Variants in DLC1 observed in about 807,000 individuals in gnomAD.
DLC1 encodes the protein DLC1 Rho GTPase activating protein, also known as rho GTPase-activating protein 7.
Under a neutral mutation model 140.3 loss-of-function variants are expected in DLC1, and 54 were observed. That is an observed-to-expected ratio of 0.38 (90% CI 0.31 to 0.48). The LOEUF (loss-of-function observed/expected upper bound fraction) is 0.48. DLC1 is among the 20% of genes least tolerant of loss of function. DLC1 has a pLI of 0.96. For synonymous variants in DLC1, 986 were observed against 728.1 expected, an observed-to-expected ratio of 1.35 and a Z score of -5.70; for missense variants, 2,536 against 1,907.0, an observed-to-expected ratio of 1.33 and a Z score of -6.14.
chr8:13,133,009 T>A lies in DLC1; in HGVS notation c.1349-17352A>T, dbSNP rs13275331. On this transcript the variant is annotated intron_variant, in intron 5 of 17. Coordinates refer to ENST00000276297, the MANE Select transcript of DLC1 (RefSeq NM_182643.3). ...GCACGGCAGGCGGCGGCGGAAGCGC[T>A]GTGGGGAAGTCGAGGCAGGCGGAGG... 0.31 allele frequency: 494,055 copies of A among 1,603,024 alleles called. 78,852 individuals are homozygous for A. Among genetic ancestry groups the A allele is most frequent in the Admixed American group, 0.54 (31,050 of 57,812 alleles).
chr8:13,479,563 T>C (rs1270649917), intron 2 of DLC1, among the ~76,000 whole-genome samples: 1 of 152,082 alleles, frequency 6.6e-6, no homozygotes, highest in African/African-American at 2.4e-5. Flanking sequence ...AACATTAGGT[T>C]GCATCCAAAA....
At chr8:13,410,918 G>C (rs1243063996) in intron 2 of DLC1, among the ~76,000 whole-genome samples, 1 of 152,104 alleles carries the variant, frequency 6.6e-6, no homozygotes, top group African/African-American at 2.4e-5. Flanking sequence ...TATTCTGTTT[G>C]AATTAATTTA....
At chr8:13,360,054 G>A (rs1379849993) in intron 4 of DLC1, among the ~76,000 whole-genome samples, 1 of 152,172 alleles carries the variant, frequency 6.6e-6, no homozygotes, top group Non-Finnish European at 1.5e-5. Flanking sequence ...ACACAACTGG[G>A]TAGAATTCTT....
intron 5 of DLC1, among the ~76,000 whole-genome samples, chr8:13,124,716 C>T (rs1164752407): frequency 2.6e-5 from 4 of 152,192 alleles, no homozygotes; most frequent in Non-Finnish European, 2.9e-5. Context: ...CTGCGCTTGC[C>T]AGTGGCTTTG....
intron 5 of DLC1, among the ~76,000 whole-genome samples, chr8:13,122,312 T>C (rs1274694810): frequency 1.3e-5 from 2 of 152,180 alleles, no homozygotes; most frequent in Admixed American, 1.3e-4. Flanking sequence ...GCTCCAGGCT[T>C]TCCAAACTCC....
intron 3 of DLC1, among the ~76,000 whole-genome samples, chr8:13,397,585 T>C (rs909410778): frequency 1.3e-5 from 2 of 151,840 alleles, no homozygotes; most frequent in African/African-American, 2.4e-5. Flanking sequence ...TCTCAATACA[T>C]TGGGAGGCCG....
At chr8:13,460,283 T>C (rs1799599808) in intron 2 of DLC1, among the ~76,000 whole-genome samples, 1 of 152,250 alleles carries the variant, frequency 6.6e-6, no homozygotes, top group Admixed American at 6.5e-5. Flanking sequence ...CTCCTCTGCA[T>C]ACAAATTTTC....
At chr8:13,315,651 G>A (rs1215512423) in intron 4 of DLC1, among the ~76,000 whole-genome samples, 1 of 152,092 alleles carries the variant, frequency 6.6e-6, no homozygotes, top group African/African-American at 2.4e-5. Context: ...CTATTCCATT[G>A]ATGACCTAAG....
At chr8:13,586,987 G>A (rs1476516481) in intron 1 of DLC1, among the ~76,000 whole-genome samples, 2 of 151,748 alleles carry the variant, frequency 1.3e-5, no homozygotes, top group African/African-American at 2.4e-5. Context: ...TAAACTTAGG[G>A]TTTTATGCAA....
At chr8:13,161,327 G>T (rs1056865240) in intron 5 of DLC1, among the ~76,000 whole-genome samples, 1 of 148,946 alleles carries the variant, frequency 6.7e-6, no homozygotes, top group Non-Finnish European at 1.5e-5. Context: ...GTCATTTGTG[G>T]GTTTTTTTTG....
intron 4 of DLC1, among the ~76,000 whole-genome samples, chr8:13,390,380 G>T (rs189243281): frequency 6.6e-6 from 1 of 152,070 alleles, no homozygotes; most frequent in Non-Finnish European, 1.5e-5. Context: ...ATGGGCATTC[G>T]GGTTGGTTCC....
intron 1 of DLC1, among the ~76,000 whole-genome samples, chr8:13,568,887 A>C (rs1371057169): frequency 1.3e-5 from 2 of 152,204 alleles, no homozygotes; most frequent in Non-Finnish European, 2.9e-5. Context: ...ATTGAGGAAA[A>C]ATGTAAGTAA....
chr8:13,581,206 C>G (rs893678812), intron 1 of DLC1, among the ~76,000 whole-genome samples: 2 of 152,304 alleles, frequency 1.3e-5, no homozygotes, highest in African/African-American at 4.8e-5. Flanking sequence ...CTCATAATTG[C>G]TCTCAGCTAA....
rs140574599 is a variant in DLC1, at chr8:13,297,498, A to C, written c.1348+7771T>G. ...GCTTCCTTTAGAATAGAAAGATAAGACTCTACATTTGGCTTTGGGAATGTC... is the reference window on the plus strand; with the variant it reads ...GCTTCCTTTAGAATAGAAAGATAAGCCTCTACATTTGGCTTTGGGAATGTC... On this transcript the variant is annotated intron_variant, in intron 5 of 17. Coordinates refer to ENST00000276297, the MANE Select transcript of DLC1 (RefSeq NM_182643.3). Among the ~76,000 whole-genome samples the C allele has an allele frequency of 7.2e-5, 11 of 151,980 alleles. No homozygotes were observed. The East Asian group carries it at 2.1e-3, about 29-fold the overall frequency.
Position 13,277,588 on chromosome 8 carries a change from T to G in DLC1, c.1348+27681A>C, listed in dbSNP as rs1312909284. On this transcript the variant is annotated intron_variant, in intron 5 of 17. Coordinates refer to ENST00000276297, the MANE Select transcript of DLC1 (RefSeq NM_182643.3). ...GAAATCAAAATATGAGCCAACTGCT[T>G]CTTTTACAAGATATGCGCCTTAGTT... Among the ~76,000 whole-genome samples the G allele has an allele frequency of 2.6e-5, 4 of 152,346 alleles. No individual in the cohort carries two copies. The East Asian group carries it at 7.7e-4, about 29-fold the overall frequency.
intron 5 of DLC1, chr8:13,214,720 T>C (rs773839996): frequency 7.7e-6 from 6 of 780,856 alleles, no homozygotes; most frequent in Non-Finnish European, 1.4e-5. Context: ...GTTGGAAAAA[T>C]TGGATCCCTT....
chr8:13,243,747 C>A (rs113713811), intron 5 of DLC1, among the ~76,000 whole-genome samples: 8 of 152,166 alleles, frequency 5.3e-5, no homozygotes, highest in South Asian at 2.1e-4. Flanking sequence ...TCATCAGCTG[C>A]GAACAACATC....
At chr8:13,485,502 A>G (rs1011413902) in intron 2 of DLC1, among the ~76,000 whole-genome samples, 7 of 152,338 alleles carry the variant, frequency 4.6e-5, no homozygotes, top group East Asian at 1.9e-4. Flanking sequence ...GGCACTGCAC[A>G]GCCATGTTTT....
intron 2 of DLC1, among the ~76,000 whole-genome samples, chr8:13,450,945 A>G: frequency 6.9e-6 from 1 of 145,302 alleles, no homozygotes; most frequent in Non-Finnish European, 1.5e-5. Context: ...AGGCTGAGGC[A>G]GGAGAATCAC....
Sources: gnomAD v4.1 joint callset for allele counts (sites outside exome capture counted in the v4.1 genomes callset) on GRCh38, gnomAD v4.1.1 for gene constraint, MANE v1.5 for transcripts, NCBI Gene and HGNC (gene_info 2026-07-23, HGNC 2026-07-21) for gene names.